The following USH1C variants were observed in gnomAD, a reference collection of about 807,000 sequenced individuals.
The protein encoded by USH1C is USH1 protein network component harmonin.
In USH1C, 90 loss-of-function variants were observed where a neutral mutation model predicts 119.3. The ratio of observed to expected loss-of-function variants is 0.75; its 90% CI spans 0.64 to 0.90. The LOEUF is 0.90. Among genes scored for constraint, USH1C ranks in the 40% least tolerant of loss-of-function variants. The probability of loss-of-function intolerance (pLI) is 0.00; values close to 1 mark genes in which losing one functional copy is unlikely to be tolerated. For synonymous variants in USH1C, 465 were observed against 443.3 expected, an observed-to-expected ratio of 1.05 and a Z score of -0.62; for missense variants, 1,165 against 1,167.7, an observed-to-expected ratio of 1.00 and a Z score of 0.03.
At chr11:17,499,614 A>G (rs1192521583) in intron 23 of USH1C, among the ~76,000 whole-genome samples, 1 of 152,188 alleles carries the variant, frequency 6.6e-6, no homozygotes, top group Non-Finnish European at 1.5e-5. Flanking sequence ...AAGACAGAAG[A>G]AGAAGGTGGG....
chr11:17,512,314 A>G (rs1205718437), intron 15 of USH1C, among the ~76,000 whole-genome samples: 1 of 152,204 alleles, frequency 6.6e-6, no homozygotes, highest in Non-Finnish European at 1.5e-5. Flanking sequence ...GCCTTGGCTA[A>G]GTTCCTTAAC....
At chr11:17,521,593 G>A (rs570495534) in intron 12 of USH1C, among the ~76,000 whole-genome samples, 182 bp from the exon 13 acceptor site, 3 of 152,300 alleles carry the variant, frequency 2.0e-5, no homozygotes, top group South Asian at 4.1e-4. Context: ...GTGCTCTTGC[G>A]TGGTTTTGTC....
At chr11:17,544,166 C>G in intron 1 of USH1C, 106 bp downstream of exon 1, 1 of 1,479,852 alleles carries the variant, frequency 6.8e-7, no homozygotes, top group African/African-American at 1.4e-5. Flanking sequence ...CCAGAGCCAT[C>G]AGGTGGGGCC....
intron 23 of USH1C, among the ~76,000 whole-genome samples, chr11:17,499,200 C>T: frequency 6.6e-6 from 1 of 152,228 alleles, no homozygotes; most frequent in East Asian, 1.9e-4. Flanking sequence ...GTCCTGATGT[C>T]CACAGAACAC....
At chr11:17,514,701 C>T (rs1471916112) in intron 15 of USH1C, 1 of 152,074 alleles carries the variant, frequency 6.6e-6, no homozygotes, top group Non-Finnish European at 1.5e-5. Context: ...CTGTCAGTTA[C>T]ATCCATGGCC....
chr11:17,526,363 G>C lies in USH1C; in HGVS notation c.658C>G (p.Arg220Gly), dbSNP rs766327614. 3 of 1,613,778 alleles carry C rather than the reference G, an allele frequency of 1.9e-6. No homozygotes were observed. The Middle Eastern group carries it at 4.9e-4, about 266-fold the overall frequency. ...GCCACCCACCTGCAGCCAAGGCCTC[G>C]GGAGCCTACCAGGCTGATGAAGACC... ...KKVFISLVGS[R>G]GLGCSISSGP... The change falls in exon 8 of 27, where the codon CGA (arginine) becomes GGA (glycine). Residue 220 changes from arginine (R) to glycine (G), a missense_variant. By Grantham distance (125) the Arg-to-Gly change is moderately radical. Transcript: ENST00000005226.
chr11:17,518,627 T>C (rs1850261138), intron 14 of USH1C, among the ~76,000 whole-genome samples: 2 of 152,170 alleles, frequency 1.3e-5, no homozygotes, highest in Admixed American at 6.5e-5. Flanking sequence ...AAGGGCCCCC[T>C]GGGGCAGGTT....
chr11:17,526,492 G>A (rs36001077), intron 7 of USH1C, 51 bp from the exon 8 acceptor site: 21,086 of 1,522,388 alleles, frequency 0.014, 181 homozygotes, highest in Non-Finnish European at 0.016. Context: ...GCGTGCAAGC[G>A]GCCTCTTGAG....
chr11:17,530,756 T>G (rs1850928460), intron 4 of USH1C, among the ~76,000 whole-genome samples: 1 of 152,218 alleles, frequency 6.6e-6, no homozygotes, highest in African/African-American at 2.4e-5. Context: ...TAACCCTGCT[T>G]CAGAGTCTAT....
At chr11:17,516,325 G>A in intron 14 of USH1C, 35 bp from the exon 15 acceptor site, 1 of 1,602,092 alleles carries the variant, frequency 6.2e-7, no homozygotes, top group Non-Finnish European at 8.5e-7. Flanking sequence ...ATGAGACACA[G>A]TTCAGCTCAG....
chr11:17,510,179 C>A (rs767978486), intron 17 of USH1C, among the ~76,000 whole-genome samples: 1 of 152,138 alleles, frequency 6.6e-6, no homozygotes, highest in South Asian at 2.1e-4. Context: ...CTGAGACTAT[C>A]GCAGATGAGC....
At chr11:17,535,581 G>A (rs992799834) in intron 1 of USH1C, among the ~76,000 whole-genome samples, 10 of 152,004 alleles carry the variant, frequency 6.6e-5, no homozygotes, top group Admixed American at 2.0e-4. Context: ...TAAATTTCTC[G>A]TGCCCAACAC....
chr11:17,501,651 G>T, intron 21 of USH1C, 116 bp from the exon 22 acceptor site: 1 of 1,265,926 alleles, frequency 7.9e-7, no homozygotes, highest in Non-Finnish European at 1.1e-6. Flanking sequence ...GAGCACATGG[G>T]CAAGGGGACC....
intron 1 of USH1C, among the ~76,000 whole-genome samples, chr11:17,542,827 CTT>C (rs968866614): frequency 7.9e-5 from 12 of 152,216 alleles, no homozygotes; most frequent in African/African-American, 2.9e-4. Flanking sequence ...CGACATGTCT[CTT>C]TGCAACAGGA....
chr11:17,537,122 C>A (rs543554833), intron 1 of USH1C, among the ~76,000 whole-genome samples: 1 of 152,220 alleles, frequency 6.6e-6, no homozygotes, highest in East Asian at 1.9e-4. Context: ...AAAGCCTGAA[C>A]GTGCAGTAAC....
chr11:17,511,442 G>A (rs1849886548), intron 16 of USH1C, among the ~76,000 whole-genome samples: 4 of 152,166 alleles, frequency 2.6e-5, no homozygotes, highest in African/African-American at 9.7e-5. Context: ...AAGCAAGGCA[G>A]AAGGGTTAGC....
intron 23 of USH1C, among the ~76,000 whole-genome samples, chr11:17,499,245 C>A (rs1393412879): frequency 6.6e-6 from 1 of 152,178 alleles, no homozygotes; most frequent in Non-Finnish European, 1.5e-5. Flanking sequence ...CACCCAGGAG[C>A]CTTGTGGCAT....
intron 25 of USH1C, 30 bp from the exon 26 acceptor site, chr11:17,495,707 A>G (rs777883248): frequency 3.7e-6 from 6 of 1,611,540 alleles, no homozygotes; most frequent in Non-Finnish European, 5.1e-6. Flanking sequence ...CAAGAAACAC[A>G]AAACAGGCTT....
At chr11:17,543,276 A>C (rs1185742329) in intron 1 of USH1C, among the ~76,000 whole-genome samples, 1 of 152,192 alleles carries the variant, frequency 6.6e-6, no homozygotes, top group African/African-American at 2.4e-5. Context: ...CTCTCAAACC[A>C]GGAAGAGGTT....
Sources: allele counts gnomAD v4.1 joint callset (sites outside exome capture counted in the v4.1 genomes callset), GRCh38; gene constraint gnomAD v4.1.1; transcripts MANE v1.5; gene names NCBI Gene and HGNC (gene_info 2026-07-23, HGNC 2026-07-21).